The following ATRN variants were observed in gnomAD, a reference collection of about 807,000 sequenced individuals.
ATRN encodes the protein attractin, also known as attractin-2.
Under a neutral mutation model 178.7 loss-of-function variants are expected in ATRN, and 54 were observed. That is an observed-to-expected ratio of 0.30 (90% CI 0.24 to 0.38). The LOEUF (loss-of-function observed/expected upper bound fraction) is 0.38. Among genes scored for constraint, ATRN ranks in the 10% least tolerant of loss-of-function variants. The probability of loss-of-function intolerance (pLI) is 1.00; values close to 1 mark genes in which losing one functional copy is unlikely to be tolerated. For synonymous variants in ATRN, 636 were observed against 663.0 expected (o/e 0.96, Z 0.63); for missense variants, 1,443 against 1,815.1 (o/e 0.79, Z 3.73).
chr20:3,594,076 A>G (rs767512666), intron 19 of ATRN, among the ~76,000 whole-genome samples: 6 of 152,152 alleles, frequency 3.9e-5, no homozygotes, highest in Admixed American at 6.5e-5. Context: ...TTCAGAGGAC[A>G]GTCACCTCCA....
intron 1 of ATRN, among the ~76,000 whole-genome samples, chr20:3,473,470 C>T (rs1026866874): frequency 2.6e-5 from 4 of 152,130 alleles, no homozygotes; most frequent in African/African-American, 9.7e-5. Context: ...GAGAGAAAGG[C>T]GGGAAGCCAG....
intron 1 of ATRN, among the ~76,000 whole-genome samples, chr20:3,485,322 G>T (rs937387988): frequency 2.0e-5 from 3 of 151,990 alleles, no homozygotes; most frequent in African/African-American, 7.2e-5. Context: ...TCTTTTTCTT[G>T]TGTAATTAAT....
At chr20:3,597,832 A>C in intron 21 of ATRN, 74 bp from the exon 22 acceptor site, 1 of 885,492 alleles carries the variant, frequency 1.1e-6, no homozygotes, top group South Asian at 1.6e-5. Context: ...TAAGAAAAGC[A>C]GCCTGTATCT....
intron 1 of ATRN, among the ~76,000 whole-genome samples, chr20:3,505,075 G>A (rs2085022524): frequency 6.6e-6 from 1 of 152,194 alleles, no homozygotes; most frequent in Non-Finnish European, 1.5e-5. Context: ...AGCAGGTAAA[G>A]TATTCTTTCT....
chr20:3,497,369 T>C (rs1260740446), intron 1 of ATRN, among the ~76,000 whole-genome samples: 1 of 152,158 alleles, frequency 6.6e-6, no homozygotes, highest in Non-Finnish European at 1.5e-5. Context: ...GGTGACAGAA[T>C]CTCTCAGCAT....
intron 27 of ATRN, among the ~76,000 whole-genome samples, chr20:3,643,233 C>A (rs1040654718): frequency 1.3e-5 from 2 of 152,048 alleles, no homozygotes; most frequent in Non-Finnish European, 2.9e-5. Context: ...CTGATAATTC[C>A]CCAGAACTCA....
chr20:3,476,006 G>C (rs1599992442), intron 1 of ATRN, among the ~76,000 whole-genome samples: 1 of 152,328 alleles, frequency 6.6e-6, no homozygotes, highest in Non-Finnish European at 1.5e-5. Flanking sequence ...TTAGCTGGGT[G>C]TGTTGGCATG....
At chr20:3,495,777 AC>A (rs2084869916) in intron 1 of ATRN, among the ~76,000 whole-genome samples, 1 of 152,022 alleles carries the variant, frequency 6.6e-6, no homozygotes, top group East Asian at 1.9e-4. Context: ...GAAAAAAAAA[AC>A]AAAACCCACT....
At chr20:3,584,146 A>G (rs2086321905) in intron 17 of ATRN, 63 bp downstream of exon 17, 13 of 1,522,870 alleles carry the variant, frequency 8.5e-6, no homozygotes, top group Non-Finnish European at 1.1e-5. Context: ...CAACTCAGCC[A>G]TGAGGCTGTG....
chr20:3,631,673 G>A (rs1415671947), intron 25 of ATRN, among the ~76,000 whole-genome samples: 1 of 152,144 alleles, frequency 6.6e-6, no homozygotes, highest in African/African-American at 2.4e-5. Flanking sequence ...AGGCATAGAG[G>A]GAAGCAGGCA....
intron 27 of ATRN, among the ~76,000 whole-genome samples, chr20:3,640,842 A>G (rs1786695740): frequency 6.6e-6 from 1 of 152,236 alleles, no homozygotes; most frequent in South Asian, 2.1e-4. Context: ...ACAGTAGCCA[A>G]AAAGTGGAAG....
intron 6 of ATRN, among the ~76,000 whole-genome samples, chr20:3,554,202 G>A (rs1160864907): frequency 6.6e-6 from 1 of 150,382 alleles, no homozygotes; most frequent in Non-Finnish European, 1.5e-5. Context: ...AGCTTTATTT[G>A]TTTCACGTAA....
chr20:3,514,633 A>G (rs1161085525), intron 1 of ATRN, among the ~76,000 whole-genome samples: 1 of 152,222 alleles, frequency 6.6e-6, no homozygotes, highest in African/African-American at 2.4e-5. Context: ...TCAATACGTT[A>G]ATGATAAAAA....
chr20:3,575,130 A>G (rs1439731989), intron 12 of ATRN, among the ~76,000 whole-genome samples: 4 of 151,858 alleles, frequency 2.6e-5, no homozygotes, highest in African/African-American at 9.7e-5. Flanking sequence ...TGCCCAGCTA[A>G]TTTTTCTAGG....
chr20:3,542,246 T>C (rs894465650), intron 3 of ATRN, among the ~76,000 whole-genome samples: 4 of 152,176 alleles, frequency 2.6e-5, no homozygotes, highest in African/African-American at 9.7e-5. Context: ...ATAGTACTTG[T>C]TGGGGATTCA....
chr20:3,494,699 A>G lies in ATRN; in HGVS notation c.410+23182A>G, dbSNP rs1213035275. Among the ~76,000 whole-genome samples the G allele has an allele frequency of 3.9e-5, 6 of 152,220 alleles. No individual in the cohort carries two copies. In the East Asian group the frequency reaches 1.2e-3, roughly 29 times the overall value. Reference sequence around the variant, plus strand: ...GGGGATTTAATGACTTAAATTTTTGATATAGGGAATATAAGTCTGAAACAT... The same window carrying G: ...GGGGATTTAATGACTTAAATTTTTGGTATAGGGAATATAAGTCTGAAACAT... On this transcript the variant is annotated intron_variant, in intron 1 of 28. Coordinates refer to ENST00000262919, the MANE Select transcript of ATRN (RefSeq NM_139321.3).
intron 22 of ATRN, among the ~76,000 whole-genome samples, chr20:3,599,083 A>G (rs1267662949): frequency 3.3e-5 from 5 of 152,202 alleles, no homozygotes; most frequent in Non-Finnish European, 7.4e-5. Flanking sequence ...ATGTACTAGA[A>G]AAGATACATT....
At chr20:3,579,812 C>T (rs1437563591) in intron 15 of ATRN, among the ~76,000 whole-genome samples, 1 of 152,158 alleles carries the variant, frequency 6.6e-6, no homozygotes, top group Non-Finnish European at 1.5e-5. Flanking sequence ...GAGTTGAGGG[C>T]AACACTTCCT....
At chr20:3,547,243 G>A (rs563446138) in intron 4 of ATRN, 41 bp from the exon 5 acceptor site, 67 of 1,463,262 alleles carry the variant, frequency 4.6e-5, no homozygotes, top group Middle Eastern at 1.8e-4. Flanking sequence ...TAATGGAAGC[G>A]TTGCGTTGTG....
Sources: allele counts gnomAD v4.1 joint callset (sites outside exome capture counted in the v4.1 genomes callset), GRCh38; gene constraint gnomAD v4.1.1; transcripts MANE v1.5; gene names NCBI Gene and HGNC (gene_info 2026-07-23, HGNC 2026-07-21).